The following KLHL1 variants were observed in gnomAD, a reference collection of about 807,000 sequenced individuals.
KLHL1 encodes the protein kelch like family member 1.
KLHL1 carries 47 observed loss-of-function variants against 77.7 expected under a neutral mutation model. The observed-to-expected ratio is 0.60, with a 90% CI of 0.48 to 0.77. KLHL1 has a LOEUF of 0.77. KLHL1 is among the 30% of genes least tolerant of loss of function. The pLI is 0.00. For synonymous variants in KLHL1, 360 were observed against 325.2 expected (o/e 1.11, Z -1.15); for missense variants, 925 against 910.8 (o/e 1.02, Z -0.20).
chr13:69,967,959 A>C (rs1487642284), intron 2 of KLHL1, among the ~76,000 whole-genome samples: 3 of 152,154 alleles, frequency 2.0e-5, no homozygotes, highest in African/African-American at 7.2e-5. Flanking sequence ...GGTTGAAGAG[A>C]AAATTGATTC....
chr13:69,845,725 T>C (rs932163606), intron 5 of KLHL1, among the ~76,000 whole-genome samples: 3 of 151,406 alleles, frequency 2.0e-5, no homozygotes, highest in African/African-American at 4.8e-5. Flanking sequence ...AATACTAACA[T>C]GAATATTTCT....
intron 1 of KLHL1, among the ~76,000 whole-genome samples, chr13:69,980,960 A>G (rs1455266023): frequency 2.6e-5 from 4 of 152,170 alleles, no homozygotes; most frequent in African/African-American, 9.6e-5. Flanking sequence ...TTTTGGTTTT[A>G]GTTTCCATAC....
intron 1 of KLHL1, among the ~76,000 whole-genome samples, chr13:70,101,885 T>C (rs900995369): frequency 2.0e-5 from 3 of 152,020 alleles, no homozygotes; most frequent in Non-Finnish European, 4.4e-5. Flanking sequence ...AATAAGGTAT[T>C]ATTTTTGCTA....
intron 6 of KLHL1, among the ~76,000 whole-genome samples, chr13:69,823,406 TTG>T (rs556552856): frequency 4.2e-4 from 64 of 152,176 alleles, no homozygotes; most frequent in African/African-American, 1.5e-3. Flanking sequence ...TTTGGGGTTG[TTG>T]GTGAGGCGTT....
At chr13:69,973,714 T>C (rs897322031) in intron 2 of KLHL1, among the ~76,000 whole-genome samples, 4 of 152,120 alleles carry the variant, frequency 2.6e-5, no homozygotes, top group Non-Finnish European at 5.9e-5. Flanking sequence ...TTCACAACAA[T>C]GCTTGTTCAA....
At chr13:70,085,867 A>T (rs1887522656) in intron 1 of KLHL1, among the ~76,000 whole-genome samples, 1 of 152,170 alleles carries the variant, frequency 6.6e-6, no homozygotes, top group Admixed American at 6.5e-5. Context: ...TGTCTCAAAA[A>T]CCACAAACAA....
intron 5 of KLHL1, among the ~76,000 whole-genome samples, chr13:69,873,469 T>C (rs1325990338): frequency 6.6e-6 from 1 of 152,200 alleles, no homozygotes; most frequent in African/African-American, 2.4e-5. Context: ...TATTATGTTT[T>C]GTTTAAGTTT....
chr13:70,037,491 T>C (rs1156606477), intron 1 of KLHL1, among the ~76,000 whole-genome samples: 1 of 152,118 alleles, frequency 6.6e-6, no homozygotes, highest in African/African-American at 2.4e-5. Context: ...TTTATTTCAA[T>C]ATGACTTTCT....
chr13:69,950,421 A>G (rs566165232), intron 3 of KLHL1, among the ~76,000 whole-genome samples: 1 of 151,776 alleles, frequency 6.6e-6, no homozygotes, highest in South Asian at 2.1e-4. Context: ...TTAACAATAG[A>G]GAACATGTCT....
intron 5 of KLHL1, among the ~76,000 whole-genome samples, chr13:69,852,438 G>T (rs1381650657): frequency 1.3e-5 from 2 of 151,828 alleles, no homozygotes; most frequent in African/African-American, 2.4e-5. Context: ...TTGGAAAAAT[G>T]GATTTTCTGA....
intron 4 of KLHL1, among the ~76,000 whole-genome samples, chr13:69,933,170 T>A (rs2138285162): frequency 6.6e-6 from 1 of 152,054 alleles, no homozygotes; most frequent in East Asian, 1.9e-4. Flanking sequence ...TTTTGGTAAT[T>A]TTCAACTCAT....
intron 7 of KLHL1, among the ~76,000 whole-genome samples, chr13:69,781,891 T>C (rs1876231904): frequency 6.9e-6 from 1 of 145,924 alleles, no homozygotes; most frequent in African/African-American, 2.6e-5. Flanking sequence ...TATCTCATCA[T>C]CTATTTTCCC....
chr13:69,937,008 C>A (rs1883207369), intron 4 of KLHL1, among the ~76,000 whole-genome samples: 1 of 152,176 alleles, frequency 6.6e-6, no homozygotes, highest in Non-Finnish European at 1.5e-5. Flanking sequence ...TCATATCTTA[C>A]ATGAATGCCT....
chr13:70,013,379 C>G (rs1885584037), intron 1 of KLHL1, among the ~76,000 whole-genome samples: 1 of 152,088 alleles, frequency 6.6e-6, no homozygotes, highest in African/African-American at 2.4e-5. Context: ...GGAGTTTTTC[C>G]ATATCTCTTT....
chr13:69,974,849 T>C (rs1424437691), intron 2 of KLHL1, among the ~76,000 whole-genome samples: 6 of 152,048 alleles, frequency 3.9e-5, no homozygotes, highest in Non-Finnish European at 8.8e-5. Context: ...GTGAATTCTC[T>C]TGCAAATGGT....
intron 9 of KLHL1, among the ~76,000 whole-genome samples, chr13:69,711,580 A>G (rs1875879364): frequency 6.6e-6 from 1 of 152,172 alleles, no homozygotes; most frequent in South Asian, 2.1e-4. Context: ...CCTAGACTTT[A>G]AAAACTATTT....
chr13:69,778,958 C>A (rs1008426819), intron 7 of KLHL1, among the ~76,000 whole-genome samples: 4 of 151,866 alleles, frequency 2.6e-5, no homozygotes, highest in Admixed American at 2.0e-4. Context: ...GCCACCATAC[C>A]CAGATTATTT....
chr13:69,940,728 A>G (rs140499138), intron 3 of KLHL1, among the ~76,000 whole-genome samples: 1 of 145,364 alleles, frequency 6.9e-6, no homozygotes, highest in Admixed American at 7.0e-5. Flanking sequence ...AAAATTGTCT[A>G]TAATTTTGGT....
intron 1 of KLHL1, among the ~76,000 whole-genome samples, chr13:70,043,813 T>C (rs1886433976): frequency 6.6e-6 from 1 of 152,184 alleles, no homozygotes; most frequent in Non-Finnish European, 1.5e-5. Context: ...TGCCCAAAGA[T>C]GCATTTCTCA....
Sources: gnomAD v4.1 joint callset for allele counts (sites outside exome capture counted in the v4.1 genomes callset) on GRCh38, gnomAD v4.1.1 for gene constraint, MANE v1.5 for transcripts, NCBI Gene and HGNC (gene_info 2026-07-23, HGNC 2026-07-21) for gene names.